The following UTS2R variants were observed in gnomAD, a reference collection of about 807,000 sequenced individuals.
The protein encoded by UTS2R is urotensin-2 receptor.
For missense variants in UTS2R, 653 were observed against 562.2 expected (o/e 1.16, Z -1.63); for synonymous variants, 335 against 280.9 (o/e 1.19, Z -1.93).
chr17:82,373,111 C>T (rs754280456), intron 2 of UTS2R, among the ~76,000 whole-genome samples: 103 of 152,064 alleles, frequency 6.8e-4, no homozygotes, highest in Non-Finnish European at 1.3e-3. Context: ...TACTAATTTG[C>T]AGTTCTTCCC....
chr17:82,374,129 G>A, intron 2 of UTS2R, 114 bp from the exon 3 acceptor site: 1 of 576,260 alleles, frequency 1.7e-6, no homozygotes, highest in Non-Finnish European at 3.1e-6. Flanking sequence ...GGCTTCCAGA[G>A]AGTCCCGAGA....
In UTS2R at chr17:82,375,468, C is replaced by A; in HGVS notation, c.1144C>A (p.Pro382Thr). The change falls in exon 3 of 3, where the codon CCC becomes ACC. Residue 382 changes from proline (P) to threonine (T), a missense_variant. Transcript: ENST00000313135. ...LAPAAPARPA[P>T]EGPRAPA ...CCCAGCGGCCCCGGCCCGACCTGCG[C>A]CCGAGGGTCCCAGGGCCCCGGCGTG... is the stretch of plus-strand genomic sequence containing the variant. 3 of 1,478,048 alleles carry A rather than the reference C, an allele frequency of 2.0e-6. No homozygotes were observed. The highest frequency in any genetic ancestry group is 2.5e-5 in the South Asian group (2 of 80,520). 91.6% of individuals were successfully genotyped at this position (1,478,048 alleles called of 1,614,324 possible).
In UTS2R at chr17:82,374,934, G is replaced by A; in HGVS notation, c.610G>A (p.Gly204Ser). The change falls in exon 3 of 3, where the codon GGC (glycine) becomes AGC (serine). Residue 204 changes from glycine (G) to serine (S), a missense_variant. Physicochemically the swap from Gly to Ser is moderately conservative, Grantham distance 56. Coordinates refer to ENST00000313135, the MANE Select transcript of UTS2R (RefSeq NM_018949.3). Reference sequence around the variant, plus strand: ...CAAGAGCCTGTGCCTGCCCGCCTGGGGCCCGCGCGCCCACCGCGCCTACCT... The same window carrying A: ...CAAGAGCCTGTGCCTGCCCGCCTGGAGCCCGCGCGCCCACCGCGCCTACCT... ...GPKSLCLPAW[G>S]PRAHRAYLTL... The A allele has an allele frequency of 9.0e-7, 1 of 1,105,826 alleles. No individual in the cohort carries two copies. The highest frequency in any genetic ancestry group is 2.6e-5 in the East Asian group (1 of 38,716). 68.5% of individuals were successfully genotyped at this position (1,105,826 alleles called of 1,614,324 possible).
Position 82,375,035 on chromosome 17 carries a change from C to T in UTS2R, c.711C>T (p.Ala237=), listed in dbSNP as rs200046277. 8.9e-5 allele frequency: 126 copies of T among 1,408,418 alleles called. No individual in the cohort carries two copies. In the Middle Eastern group the frequency reaches 2.0e-3, roughly 23 times the overall value. The allele number at this position is 1,408,418 out of a possible 1,614,324, so 87.2% of individuals were successfully genotyped here. Residue 237 remains alanine, a synonymous_variant, in exon 3 of 3, where the codon GCC becomes GCT. Coordinates refer to ENST00000313135, the MANE Select transcript of UTS2R (RefSeq NM_018949.3). ...TGCTCTACGCGCGCCTGGCCCGCGC[C>T]TACCGCCGCTCGCAGCGCGCCTCCT... ...IGLLYARLAR[A]YRRSQRASFK...
chr17:82,372,104 G>C (rs1337899860), intron 1 of UTS2R, among the ~76,000 whole-genome samples, 57 bp downstream of exon 1: 1 of 152,148 alleles, frequency 6.6e-6, no homozygotes, highest in Non-Finnish European at 1.5e-5. Context: ...TGTGCCCTTC[G>C]GGGCCCTCCG....
At position 82,375,633 on chromosome 17, in the gene UTS2R, CAGCGCCCTTCCCGTGATGCCCAGA is replaced by C. The variant is rs1233292660; in HGVS notation, c.*147_*170del. Reference sequence around the variant, plus strand: ...TGGAAAGATCCTGCTCGCTTCCCCTCAGCGCCCTTCCCGTGATGCCCAGAAGCGCCCACCCGCCTCCCTGAGGGT... The same window carrying C: ...TGGAAAGATCCTGCTCGCTTCCCCTCAGCGCCCACCCGCCTCCCTGAGGGT... On this transcript the variant is annotated 3_prime_UTR_variant, in exon 3 of 3. Coordinates refer to ENST00000313135, the MANE Select transcript of UTS2R (RefSeq NM_018949.3). The C allele has an allele frequency of 6.1e-6, 3 of 495,814 alleles. No individual in the cohort carries two copies. In the African/African-American group the frequency reaches 6.1e-5, roughly 10 times the overall value. The allele number at this position is 495,814 out of a possible 1,614,324, so 30.7% of individuals were successfully genotyped here.
rs539847530 is a variant in UTS2R at position 82,377,413 on chromosome 17, A to G, written c.*1919A>G. Among the ~76,000 whole-genome samples the G allele has an allele frequency of 3.0e-3, 447 of 150,328 alleles. 2 individuals are homozygous for G. The highest frequency in any genetic ancestry group is 0.01 in the African/African-American group (423 of 40,808). ...CTGACCTTCCCTCCACTATTGTCCT[A>G]TGACCCTGCCAAATCCCCCTCTGCG... is the stretch of plus-strand genomic sequence containing the variant. On this transcript the variant is annotated 3_prime_UTR_variant, in exon 3 of 3. Transcript: ENST00000313135.
In UTS2R at chr17:82,375,363, C is replaced by G; in HGVS notation, c.1039C>G (p.Pro347Ala). 1 of 1,578,072 alleles carries G rather than the reference C, an allele frequency of 6.3e-7. No individual in the cohort carries two copies. The highest frequency in any genetic ancestry group is 8.6e-7 in the Non-Finnish European group (1 of 1,167,138). The change falls in exon 3 of 3, where the codon CCC becomes GCC. Residue 347 changes from proline to alanine, a missense_variant. Physicochemically the swap from Pro to Ala is conservative, Grantham distance 27. Coordinates refer to ENST00000313135, the MANE Select transcript of UTS2R (RefSeq NM_018949.3). The part of the protein sequence containing the change: ...GGRGPVPSLQ[P>A]RARFQRCSGR... The stretch of plus-strand genomic sequence containing the variant: ...CCGGGGGCCCGTTCCCTCCCTGCAG[C>G]CCCGCGCCCGCTTCCAGCGCTGTTC...
Position 82,375,893 on chromosome 17 carries a change from C to T in UTS2R, c.*399C>T, listed in dbSNP as rs773230494. Among the ~76,000 whole-genome samples, 2 of 152,282 alleles carry T rather than the reference C, an allele frequency of 1.3e-5. No homozygotes were observed. The highest frequency in any genetic ancestry group is 3.8e-4 in the East Asian group (2 of 5,196). On this transcript the variant is annotated 3_prime_UTR_variant, in exon 3 of 3. Coordinates refer to ENST00000313135, the MANE Select transcript of UTS2R (RefSeq NM_018949.3). ...TGCCACTGGAACAATCAACCCTGAG[C>T]TGGCTTCCGTGTCCTGCCTAGGCGC...
intron 1 of UTS2R, among the ~76,000 whole-genome samples, chr17:82,372,347 G>A (rs2052457526): frequency 6.6e-6 from 1 of 152,180 alleles, no homozygotes; most frequent in Non-Finnish European, 1.5e-5. Flanking sequence ...CTGGGTGAGG[G>A]CTCTGGAAAT....
In UTS2R at chr17:82,374,449, C is replaced by A; in HGVS notation, c.125C>A (p.Pro42His). 1 of 1,600,156 alleles carries A rather than the reference C, an allele frequency of 6.2e-7. No homozygotes were observed. Among genetic ancestry groups the A allele is most frequent in the East Asian group, 2.3e-5 (1 of 44,434 alleles). Residue 42 changes from proline (P) to histidine (H), a missense_variant, in exon 3 of 3, where the codon CCC becomes CAC. Physicochemically the swap from Pro to His is moderately conservative, Grantham distance 77. Coordinates refer to ENST00000313135, the MANE Select transcript of UTS2R (RefSeq NM_018949.3). ...LNSSWASPTE[P>H]SSLEDLVATG... Reference sequence around the variant, plus strand: ...AGCTCCTGGGCCAGCCCGACCGAGCCCAGCTCCCTGGAGGACCTGGTGGCC... The same window carrying A: ...AGCTCCTGGGCCAGCCCGACCGAGCACAGCTCCCTGGAGGACCTGGTGGCC...
rs756820219 is a variant in UTS2R at position 82,375,466 on chromosome 17, C to G, written c.1142C>G (p.Ala381Gly). 4.7e-6 allele frequency: 7 copies of G among 1,484,012 alleles called. No homozygotes were observed. The highest frequency in any genetic ancestry group is 6.3e-6 in the Non-Finnish European group (7 of 1,111,316). The allele number at this position is 1,484,012 out of a possible 1,614,324, so 91.9% of individuals were successfully genotyped here. A position where few individuals can be genotyped will look rare whatever the true frequency, so the allele number is the denominator to read the frequency against. ...GCCCCAGCGGCCCCGGCCCGACCTG[C>G]GCCCGAGGGTCCCAGGGCCCCGGCG... Reference protein sequence around the residue: ...VLAPAAPARPAPEGPRAPA With the variant: ...VLAPAAPARPGPEGPRAPA Residue 381 changes from alanine to glycine, a missense_variant, in exon 3 of 3, where the codon GCG (alanine) becomes GGG (glycine). Coordinates refer to ENST00000313135, the MANE Select transcript of UTS2R (RefSeq NM_018949.3).
intron 2 of UTS2R, among the ~76,000 whole-genome samples, chr17:82,373,237 C>T (rs1170501432): frequency 6.6e-6 from 1 of 152,106 alleles, no homozygotes; most frequent in Non-Finnish European, 1.5e-5. Flanking sequence ...TCTTGGCTCA[C>T]TGCAACTTCC....
In UTS2R at chr17:82,374,835, C is replaced by A; in HGVS notation, c.511C>A (p.Leu171Met). The A allele has an allele frequency of 6.8e-7, 1 of 1,462,658 alleles. No individual in the cohort carries two copies. 90.6% of individuals were successfully genotyped at this position (1,462,658 alleles called of 1,614,324 possible). ...CAAGGGCTACCGCAAGCTGCTGGCG[C>A]TGGGCACCTGGCTGCTGGCGCTGCT... is the stretch of plus-strand genomic sequence containing the variant. ...RPKGYRKLLALGTWLLALLLT... is the reference protein window; with the variant it reads ...RPKGYRKLLAMGTWLLALLLT... The change falls in exon 3 of 3, where the codon CTG (leucine) becomes ATG (methionine). Residue 171 changes from leucine to methionine, a missense_variant. Physicochemically the swap from Leu to Met is conservative, Grantham distance 15 (BLOSUM62 2). Coordinates refer to ENST00000313135, the MANE Select transcript of UTS2R (RefSeq NM_018949.3).
In UTS2R at chr17:82,376,489, G is replaced by A. The variant is rs934231334; in HGVS notation, c.*995G>A. Among the ~76,000 whole-genome samples, 2 of 152,168 alleles carry A rather than the reference G, an allele frequency of 1.3e-5. No individual in the cohort carries two copies. The highest frequency in any genetic ancestry group is 4.8e-5 in the African/African-American group (2 of 41,418). The stretch of plus-strand genomic sequence containing the variant: ...CTTGGGGCTCCATCTGAACACTGGG[G>A]CAAGGGTCATGCCCGCTTGGTCCCT... On this transcript the variant is annotated 3_prime_UTR_variant, in exon 3 of 3. Transcript: ENST00000313135.
Position 82,374,413 on chromosome 17 carries a change from C to T in UTS2R, c.89C>T (p.Ala30Val). The change falls in exon 3 of 3, where the codon GCA (alanine) becomes GTA (valine). Residue 30 changes from alanine (A) to valine (V), a missense_variant. Ala to Val is a moderately conservative substitution (Grantham distance 64, BLOSUM62 0). Coordinates refer to ENST00000313135, the MANE Select transcript of UTS2R (RefSeq NM_018949.3). ...CCGGAGCCGCCTGGCGGCCCCAACGCAACCCTCAACAGCTCCTGGGCCAGC... is the reference window on the plus strand; with the variant it reads ...CCGGAGCCGCCTGGCGGCCCCAACGTAACCCTCAACAGCTCCTGGGCCAGC... Reference protein sequence around the residue: ...SVPEPPGGPNATLNSSWASPT... With the variant: ...SVPEPPGGPNVTLNSSWASPT... 1 of 1,597,086 alleles carries T rather than the reference C, an allele frequency of 6.3e-7. No individual in the cohort carries two copies. The highest frequency in any genetic ancestry group is 8.5e-7 in the Non-Finnish European group (1 of 1,176,322).
intron 2 of UTS2R, among the ~76,000 whole-genome samples, chr17:82,373,319 G>A (rs995077213): frequency 6.6e-6 from 1 of 151,942 alleles, no homozygotes; most frequent in Non-Finnish European, 1.5e-5. Context: ...GTGCCACCAT[G>A]CCCGACTAAT....
chr17:82,372,068 C>T (rs993690282), intron 1 of UTS2R, among the ~76,000 whole-genome samples, 21 bp downstream of exon 1: 1 of 152,000 alleles, frequency 6.6e-6, no homozygotes, highest in African/African-American at 2.4e-5. Flanking sequence ...GGTGGGTGAC[C>T]GGGAGCGCGC....
Position 82,375,539 on chromosome 17 carries a change from A to G in UTS2R, c.*45A>G. The stretch of plus-strand genomic sequence containing the variant: ...GAGTCCAGGCGGGGACGCGCCCCAA[A>G]GCCCCAGCCACTCCCGGGAGCCCCC... On this transcript the variant is annotated 3_prime_UTR_variant, in exon 3 of 3. Coordinates refer to ENST00000313135, the MANE Select transcript of UTS2R (RefSeq NM_018949.3). The G allele has an allele frequency of 1.3e-6, 1 of 773,980 alleles. No homozygotes were observed. Among genetic ancestry groups the G allele is most frequent in the Non-Finnish European group, 1.9e-6 (1 of 524,036 alleles). The allele number at this position is 773,980 out of a possible 1,614,324, so 47.9% of individuals were successfully genotyped here.
Sources: gnomAD v4.1 joint callset for allele counts (sites outside exome capture counted in the v4.1 genomes callset) on GRCh38, gnomAD v4.1.1 for gene constraint, MANE v1.5 for transcripts, NCBI Gene and HGNC (gene_info 2026-07-23, HGNC 2026-07-21) for gene names.